Variants in TTBK2 observed in about 807,000 individuals in gnomAD.
TTBK2 encodes the protein tau-tubulin kinase 2.
A neutral mutation model predicts 110.8 loss-of-function variants in TTBK2; 28 were observed. The ratio of observed to expected loss-of-function variants is 0.25; its 90% CI spans 0.19 to 0.35. TTBK2 has a LOEUF of 0.35. Among genes scored for constraint, TTBK2 ranks in the 10% least tolerant of loss-of-function variants. The probability of loss-of-function intolerance (pLI) is 1.00; values close to 1 mark genes in which losing one functional copy is unlikely to be tolerated. For missense variants in TTBK2, 1,369 were observed against 1,500.3 expected (o/e 0.91, Z 1.45); for synonymous variants, 532 against 527.3 (o/e 1.01, Z -0.12).
At chr15:42,881,282 C>CTA (rs1895036230) in intron 1 of TTBK2, among the ~76,000 whole-genome samples, 1 of 43,472 alleles carries the variant, frequency 2.3e-5, no homozygotes. Flanking sequence ...GCTTCCGTCT[C>CTA]AAAAAAAAAA....
intron 3 of TTBK2, among the ~76,000 whole-genome samples, chr15:42,862,396 T>C (rs1360481130): frequency 6.6e-6 from 1 of 152,154 alleles, no homozygotes; most frequent in Non-Finnish European, 1.5e-5. Context: ...CATGATCAAG[T>C]AGGCTTTATT....
chr15:42,792,778 T>C (rs1890753186), intron 10 of TTBK2, among the ~76,000 whole-genome samples: 1 of 152,202 alleles, frequency 6.6e-6, no homozygotes, highest in African/African-American at 2.4e-5. Context: ...TCTTTTTATT[T>C]ACAGTTATTT....
chr15:42,756,514 AGGCAGAG>A (rs1201002635), intron 13 of TTBK2, among the ~76,000 whole-genome samples: 1 of 152,106 alleles, frequency 6.6e-6, no homozygotes, highest in East Asian at 1.9e-4. Flanking sequence ...TGAACCTGGG[AGGCAGAG>A]GTTGCAGTGA....
intron 6 of TTBK2, among the ~76,000 whole-genome samples, chr15:42,825,364 C>T (rs959359935): frequency 6.6e-6 from 1 of 152,160 alleles, no homozygotes; most frequent in Non-Finnish European, 1.5e-5. Context: ...ATGTCAAGGG[C>T]TGCACTGGGT....
At chr15:42,767,347 C>T (rs926811745) in intron 13 of TTBK2, among the ~76,000 whole-genome samples, 4 of 151,918 alleles carry the variant, frequency 2.6e-5, no homozygotes, top group African/African-American at 9.7e-5. Context: ...ATAAGATCAA[C>T]AAAATTGAAA....
intron 1 of TTBK2, among the ~76,000 whole-genome samples, chr15:42,918,651 G>A (rs571536518): frequency 1.6e-3 from 250 of 152,076 alleles, no homozygotes; most frequent in Middle Eastern, 6.8e-3. Flanking sequence ...AGTAAAATAC[G>A]CTCGAAAATG....
At chr15:42,848,997 A>G (rs1388936225) in intron 3 of TTBK2, among the ~76,000 whole-genome samples, 1 of 152,210 alleles carries the variant, frequency 6.6e-6, no homozygotes, top group Non-Finnish European at 1.5e-5. Flanking sequence ...CAATCATGTC[A>G]TCCACAAACA....
chr15:42,794,543 G>T, intron 10 of TTBK2, 101 bp downstream of exon 10: 1 of 1,515,670 alleles, frequency 6.6e-7, no homozygotes, highest in Non-Finnish European at 9.2e-7. Context: ...TTTCCCGGAT[G>T]TCTTAGCATT....
At chr15:42,799,027 G>T (rs375323963) in intron 9 of TTBK2, among the ~76,000 whole-genome samples, 3 of 152,074 alleles carry the variant, frequency 2.0e-5, no homozygotes, top group East Asian at 3.9e-4. Context: ...TCGGATTTTC[G>T]ATTTGGGTTG....
At chr15:42,858,050 C>A (rs918862237) in intron 3 of TTBK2, among the ~76,000 whole-genome samples, 2 of 151,894 alleles carry the variant, frequency 1.3e-5, no homozygotes, top group Non-Finnish European at 2.9e-5. Flanking sequence ...AGTCCAGCGA[C>A]AGAGCAAGAC....
chr15:42,764,976 T>TA (rs1309401609), intron 13 of TTBK2, among the ~76,000 whole-genome samples: 1 of 152,340 alleles, frequency 6.6e-6, no homozygotes, highest in Admixed American at 6.5e-5. Flanking sequence ...CTGCTGGTGA[T>TA]ACCCAGGCAA....
intron 1 of TTBK2, among the ~76,000 whole-genome samples, chr15:42,900,876 A>T (rs998878500): frequency 1.3e-5 from 2 of 152,186 alleles, no homozygotes. Flanking sequence ...TCTCCCATAC[A>T]TGGTCAAATG....
intron 3 of TTBK2, among the ~76,000 whole-genome samples, chr15:42,869,016 T>C (rs1894502849): frequency 6.6e-6 from 1 of 152,184 alleles, no homozygotes; most frequent in African/African-American, 2.4e-5. Context: ...ATCATTTTAC[T>C]GTAGAAATTA....
At chr15:42,842,059 A>G (rs1430322484) in intron 3 of TTBK2, among the ~76,000 whole-genome samples, 3 of 152,094 alleles carry the variant, frequency 2.0e-5, no homozygotes, top group Admixed American at 1.3e-4. Context: ...AAAATGAAAC[A>G]TTAATTATTA....
intron 6 of TTBK2, among the ~76,000 whole-genome samples, chr15:42,821,839 C>T (rs985961946): frequency 6.6e-6 from 1 of 151,716 alleles, no homozygotes; most frequent in Non-Finnish European, 1.5e-5. Context: ...ACAGGGTGCC[C>T]GCCACCACAC....
intron 10 of TTBK2, among the ~76,000 whole-genome samples, chr15:42,787,922 G>A (rs1488742135): frequency 3.3e-5 from 5 of 152,088 alleles, no homozygotes; most frequent in Middle Eastern, 3.4e-3. Flanking sequence ...AAACTATATT[G>A]TATAGCCTAT....
chr15:42,794,639 CA>C lies in TTBK2; in HGVS notation c.980+4del. ...ACACCACCAAATGATCTGTTTAGGA[CA>C]TACCCAATTGCAGCAGGGGTCAAGC... is the stretch of plus-strand genomic sequence containing the variant. On this transcript the variant is annotated splice_donor_region_variant and intron_variant, in intron 10 of 14. Transcript: ENST00000267890. 1 of 1,614,108 alleles carries C rather than the reference CA, an allele frequency of 6.2e-7. No homozygotes were observed. Among genetic ancestry groups the C allele is most frequent in the East Asian group, 2.2e-5 (1 of 44,882 alleles).
At chr15:42,904,534 C>T (rs189868441) in intron 1 of TTBK2, among the ~76,000 whole-genome samples, 7 of 152,028 alleles carry the variant, frequency 4.6e-5, no homozygotes, top group South Asian at 4.1e-4. Flanking sequence ...CTAATGAATT[C>T]GGACAAAGAT....
At chr15:42,753,609 A>C (rs1333496249) in intron 13 of TTBK2, among the ~76,000 whole-genome samples, 4 of 152,300 alleles carry the variant, frequency 2.6e-5, no homozygotes, top group African/African-American at 9.6e-5. Flanking sequence ...GGGTTAGAGG[A>C]AAGAGGGGGC....
Sources: gnomAD v4.1 joint callset for allele counts (sites outside exome capture counted in the v4.1 genomes callset) on GRCh38, gnomAD v4.1.1 for gene constraint, MANE v1.5 for transcripts, NCBI Gene and HGNC (gene_info 2026-07-23, HGNC 2026-07-21) for gene names.